Variants in FANCD2 observed in about 807,000 individuals in gnomAD.
FANCD2 encodes FA complementation group D2, also known as Fanconi anemia group D2 protein.
Under a neutral mutation model 192.3 loss-of-function variants are expected in FANCD2, and 131 were observed. That is an observed-to-expected ratio of 0.68 (90% CI 0.59 to 0.79). The LOEUF (loss-of-function observed/expected upper bound fraction) is 0.79, where lower values mean the gene tolerates loss of function less well. Among genes scored for constraint, FANCD2 ranks in the 30% least tolerant of loss-of-function variants. The probability of loss-of-function intolerance (pLI) is 0.00; values close to 1 mark genes in which losing one functional copy is unlikely to be tolerated. For synonymous variants in FANCD2, 524 were observed against 612.5 expected (o/e 0.86, Z 2.13); for missense variants, 1,508 against 1,701.6 (o/e 0.89, Z 2.00).
In FANCD2 at chr3:10,049,238, C is replaced by T. The variant is rs1175747359; in HGVS notation, c.1414-136C>T. On this transcript the variant is annotated intron_variant, in intron 16 of 43. Coordinates refer to ENST00000675286, the MANE Select transcript of FANCD2 (RefSeq NM_001018115.3). ...CTCCTGAAGCCAACATTAATGAAAACTAGATAATAGGTGATGGGTTTGGGT... is the reference window on the plus strand; with the variant it reads ...CTCCTGAAGCCAACATTAATGAAAATTAGATAATAGGTGATGGGTTTGGGT... 1.9e-5 allele frequency: 17 copies of T among 895,296 alleles called. 1 individual carries two copies. The highest frequency in any genetic ancestry group is 3.1e-5 in the Non-Finnish European group (17 of 554,188). The allele number at this position is 895,296 out of a possible 1,614,324, so 55.5% of individuals were successfully genotyped here. A position where few individuals can be genotyped will look rare whatever the true frequency, so the allele number is the denominator to read the frequency against.
chr3:10,028,703 C>A lies in FANCD2; in HGVS notation c.46C>A (p.Leu16Met). 1 of 1,613,984 alleles carries A rather than the reference C, an allele frequency of 6.2e-7. No homozygotes were observed. Among genetic ancestry groups the A allele is most frequent in the Non-Finnish European group, 8.5e-7 (1 of 1,179,896 alleles). Residue 16 changes from leucine (L) to methionine (M), a missense_variant, in exon 2 of 44, where the codon CTG becomes ATG. Physicochemically the swap from Leu to Met is conservative, Grantham distance 15. Coordinates refer to ENST00000675286, the MANE Select transcript of FANCD2 (RefSeq NM_001018115.3). ...RLSKSEDKES[L>M]TEDASKTRKQ... ...GTCAAAATCTGAGGATAAAGAGAGC[C>A]TGACAGAAGATGCCTCCAGTAAGTA...
At position 10,069,807 on chromosome 3, in the gene FANCD2, C is replaced by T. The variant is rs1000690801; in HGVS notation, c.2494+2490C>T. 4.3e-4 allele frequency among the ~76,000 whole-genome samples: 66 copies of T among 152,218 alleles called. 1 individual carries two copies. The East Asian group carries it at 0.012, about 29-fold the overall frequency. The stretch of plus-strand genomic sequence containing the variant: ...GGAGTGCAGTAGCGTGATCTCGGCT[C>T]GCTACAACCTCCACCTCCCAGCCAC... On this transcript the variant is annotated intron_variant, in intron 26 of 43. Coordinates refer to ENST00000675286, the MANE Select transcript of FANCD2 (RefSeq NM_001018115.3).
chr3:10,079,924 T>G (rs1693741271), intron 30 of FANCD2, among the ~76,000 whole-genome samples: 1 of 151,838 alleles, frequency 6.6e-6, no homozygotes, highest in South Asian at 2.1e-4. Flanking sequence ...TCGTCTTCTT[T>G]TTTTTTTTTG....
rs34927374 is a variant in FANCD2, at chr3:10,046,254, C to G, written c.1135-326C>G. Among the ~76,000 whole-genome samples the G allele has an allele frequency of 1.8e-3, 278 of 151,894 alleles. 3 individuals are homozygous for G. Among genetic ancestry groups the G allele is most frequent in the Non-Finnish European group, 3.5e-3 (241 of 67,964 alleles). On this transcript the variant is annotated intron_variant, in intron 14 of 43. Coordinates refer to ENST00000675286, the MANE Select transcript of FANCD2 (RefSeq NM_001018115.3). ...ATTTTTAGTAGAGACGGGGTTTCAC[C>G]GTGTTAGTCAGGATGGTCTCGATCT...
chr3:10,042,142 C>A (rs2086880764), intron 10 of FANCD2, among the ~76,000 whole-genome samples: 2 of 152,074 alleles, frequency 1.3e-5, no homozygotes, highest in African/African-American at 2.4e-5. Flanking sequence ...GTTTTCCACC[C>A]CCCTCGGCCT....
intron 17 of FANCD2, among the ~76,000 whole-genome samples, chr3:10,051,556 G>A (rs1387487780): frequency 6.6e-6 from 1 of 152,104 alleles, no homozygotes. Context: ...AAGCCAGAGA[G>A]CAGTAACTTG....
chr3:10,062,186 A>T lies in FANCD2; in HGVS notation c.1802A>T (p.Asn601Ile), dbSNP rs955122662. 1.9e-6 allele frequency: 3 copies of T among 1,613,350 alleles called. No homozygotes were observed. Among genetic ancestry groups the T allele is most frequent in the Non-Finnish European group, 1.7e-6 (2 of 1,179,700 alleles). Residue 601 changes from asparagine to isoleucine, a missense_variant, in exon 20 of 44, where the codon AAC (asparagine) becomes ATC (isoleucine). Asn to Ile is a moderately radical substitution (Grantham distance 149). Around this residue, in one of 5 missense-constraint regions of FANCD2, gnomAD observed 110 missense variants for 114.4 expected, o/e 0.96. Coordinates refer to ENST00000675286, the MANE Select transcript of FANCD2 (RefSeq NM_001018115.3). ...CCTAGTTTGACCCAAGAGAGAGCCA[A>T]CCTGAGCGATGAGCAGTGCACACAG... is the stretch of plus-strand genomic sequence containing the variant. The part of the protein sequence containing the change: ...ESPSLTQERA[N>I]LSDEQCTQVT...
chr3:10,090,495 T>C, intron 37 of FANCD2, 110 bp downstream of exon 37: 2 of 728,748 alleles, frequency 2.7e-6, no homozygotes, highest in South Asian at 3.2e-5. Context: ...TTGCTTGTTC[T>C]GTTGCCCAGA....
At chr3:10,059,778 C>T (rs2087511410) in intron 18 of FANCD2, among the ~76,000 whole-genome samples, 1 of 151,786 alleles carries the variant, frequency 6.6e-6, no homozygotes, top group African/African-American at 2.4e-5. Flanking sequence ...TGCACTCTAG[C>T]CTGGGTGACA....
At chr3:10,031,704 C>G (rs2086607546) in intron 2 of FANCD2, among the ~76,000 whole-genome samples, 1 of 152,140 alleles carries the variant, frequency 6.6e-6, no homozygotes, top group African/African-American at 2.4e-5. Context: ...GAACCTTCCC[C>G]ATTCTGTCTA....
At chr3:10,060,218 T>C in intron 18 of FANCD2, 76 bp from the exon 19 acceptor site, 1 of 954,886 alleles carries the variant, frequency 1.0e-6, no homozygotes, top group Non-Finnish European at 1.7e-6. Flanking sequence ...ATAGTCTAGC[T>C]ATATGGCTCG....
intron 32 of FANCD2, among the ~76,000 whole-genome samples, chr3:10,085,224 G>A (rs1423687595): frequency 1.3e-5 from 2 of 152,078 alleles, no homozygotes; most frequent in African/African-American, 4.8e-5. Context: ...TATGGCCCAG[G>A]CGTGGTGGCT....
intron 29 of FANCD2, among the ~76,000 whole-genome samples, chr3:10,077,166 G>C (rs1346618664): frequency 6.6e-6 from 1 of 151,738 alleles, no homozygotes; most frequent in African/African-American, 2.4e-5. Context: ...CCAGGAGGTT[G>C]AGGCTGCAGT....
chr3:10,074,766 G>A, intron 29 of FANCD2, 93 bp downstream of exon 29: 3 of 1,238,474 alleles, frequency 2.4e-6, no homozygotes, highest in Admixed American at 3.6e-5. Flanking sequence ...TGACACTGAG[G>A]AGAGAAGTTA....
rs996156687 is a variant in FANCD2 at position 10,031,389 on chromosome 3, G to A, written c.65-1443G>A. 7.2e-5 allele frequency among the ~76,000 whole-genome samples: 11 copies of A among 152,044 alleles called. No individual in the cohort carries two copies. The South Asian group carries it at 2.1e-3, about 29-fold the overall frequency. On this transcript the variant is annotated intron_variant, in intron 2 of 43. Coordinates refer to ENST00000675286, the MANE Select transcript of FANCD2 (RefSeq NM_001018115.3). Reference sequence around the variant, plus strand: ...GTGGTGGTGTGCACCTGTAGTCCCAGCTACTGGGAGGCTGAGGCAGGAGAA... The same window carrying A: ...GTGGTGGTGTGCACCTGTAGTCCCAACTACTGGGAGGCTGAGGCAGGAGAA...
chr3:10,052,076 TA>T (rs2087235777), intron 17 of FANCD2, among the ~76,000 whole-genome samples: 1 of 152,120 alleles, frequency 6.6e-6, no homozygotes, highest in South Asian at 2.1e-4. Context: ...AGTAGATGAT[TA>T]AAGCCCAGGA....
intron 42 of FANCD2, among the ~76,000 whole-genome samples, chr3:10,098,402 T>G (rs1320088613): frequency 6.6e-6 from 1 of 152,164 alleles, no homozygotes; most frequent in African/African-American, 2.4e-5. Flanking sequence ...TTAAGGTATT[T>G]GGGAAATTTT....
chr3:10,026,730 G>A (rs2086461234), intron 1 of FANCD2: 1 of 146,048 alleles, frequency 6.8e-6, no homozygotes, highest in Non-Finnish European at 1.5e-5. Context: ...ACTTCTGTTG[G>A]GCTTTTCTGG....
chr3:10,062,950 A>C (rs2087612433), intron 20 of FANCD2, among the ~76,000 whole-genome samples: 1 of 151,916 alleles, frequency 6.6e-6, no homozygotes. Flanking sequence ...ATCTGCCCCC[A>C]TCAGCCTCCC....
Sources: gnomAD v4.1 joint callset for allele counts (sites outside exome capture counted in the v4.1 genomes callset) on GRCh38, gnomAD v4.1.1 for gene constraint, gnomAD v4.1.1 regional missense constraint, MANE v1.5 for transcripts, NCBI Gene and HGNC (gene_info 2026-07-23, HGNC 2026-07-21) for gene names.